PRDM1: variants seen among roughly 807,000 people sequenced by gnomAD.
PRDM1 encodes PR/SET domain 1.
In PRDM1, 13 loss-of-function variants were observed where a neutral mutation model predicts 62.8. The ratio of observed to expected loss-of-function variants is 0.21; its 90% CI spans 0.13 to 0.33. The LOEUF is 0.33. PRDM1 is among the 10% of genes least tolerant of loss of function. The pLI, the probability that PRDM1 is intolerant of heterozygous loss-of-function variation, is 1.00. For synonymous variants in PRDM1, 396 were observed against 417.6 expected (o/e 0.95, Z 0.63); for missense variants, 895 against 1,058.8 (o/e 0.85, Z 2.15).
chr6:106,049,825 C>A (rs1422697177), intron 1 of PRDM1, among the ~76,000 whole-genome samples: 3 of 152,166 alleles, frequency 2.0e-5, no homozygotes, highest in African/African-American at 7.2e-5. Context: ...AAATGGCTGC[C>A]TTTACCTTTA....
intron 1 of PRDM1, among the ~76,000 whole-genome samples, chr6:106,001,874 A>T (rs923362739): frequency 1.3e-5 from 2 of 152,196 alleles, no homozygotes; most frequent in African/African-American, 4.8e-5. Context: ...CATTATAAAA[A>T]GTATTTTTGA....
At chr6:106,033,305 C>T (rs925993759) in intron 1 of PRDM1, among the ~76,000 whole-genome samples, 3 of 151,248 alleles carry the variant, frequency 2.0e-5, no homozygotes, top group Admixed American at 6.6e-5. Flanking sequence ...CCATTATGCC[C>T]AGCTAATATT....
chr6:106,060,130 A>G (rs965634165), intron 1 of PRDM1, among the ~76,000 whole-genome samples: 5 of 152,178 alleles, frequency 3.3e-5, no homozygotes, highest in African/African-American at 1.2e-4. Flanking sequence ...AGTTATTTAA[A>G]TTCAAATATT....
In PRDM1 at chr6:105,994,583, G is replaced by C. The variant is rs893159729; in HGVS notation, c.-67+944G>C. 6.6e-6 allele frequency among the ~76,000 whole-genome samples: 1 copy of C among 152,294 alleles called. No individual in the cohort carries two copies. Among genetic ancestry groups the C allele is most frequent in the African/African-American group, 2.4e-5 (1 of 41,560 alleles). ...TGCTGAGTTCATTTGGACGAGGTGA[G>C]GAGAACTAGGGTCCTAACAGCAGGT... On this transcript the variant is annotated intron_variant, in intron 1 of 6. Transcript: ENST00000652320. The surrounding 1 kb of genome is among the most constrained non-coding windows in gnomAD (Gnocchi z 4.1).
chr6:106,012,075 A>T (rs1450034516), intron 1 of PRDM1, among the ~76,000 whole-genome samples: 1 of 141,540 alleles, frequency 7.1e-6, no homozygotes, highest in Non-Finnish European at 1.5e-5. Context: ...CACTACACAC[A>T]CACACAAACA....
intron 1 of PRDM1, among the ~76,000 whole-genome samples, chr6:106,029,069 C>T (rs561079471): frequency 2.6e-5 from 4 of 152,032 alleles, no homozygotes; most frequent in African/African-American, 7.2e-5. Flanking sequence ...TACAGGCGCA[C>T]GCCACCATGC....
chr6:106,037,042 C>T (rs542460386), intron 1 of PRDM1, among the ~76,000 whole-genome samples: 1 of 152,270 alleles, frequency 6.6e-6, no homozygotes, highest in South Asian at 2.1e-4. Flanking sequence ...CCTGCAAGAC[C>T]TCTTTTGGCA....
chr6:106,020,003 G>A (rs1772673985), intron 1 of PRDM1, among the ~76,000 whole-genome samples: 1 of 150,676 alleles, frequency 6.6e-6, no homozygotes, highest in Non-Finnish European at 1.5e-5. Context: ...GCCAAGGTGG[G>A]TGGATCACTT....
chr6:106,066,657 T>A (rs1773438786), intron 1 of PRDM1, among the ~76,000 whole-genome samples: 1 of 152,214 alleles, frequency 6.6e-6, no homozygotes, highest in African/African-American at 2.4e-5. Flanking sequence ...TCTTAAAGAT[T>A]TGAAAAAATA....
intron 1 of PRDM1, among the ~76,000 whole-genome samples, chr6:105,995,300 G>A (rs1031142208): frequency 6.6e-6 from 1 of 152,184 alleles, no homozygotes; most frequent in African/African-American, 2.4e-5. Flanking sequence ...TGGGCACTCT[G>A]GGGGACGTTC....
intron 3 of PRDM1, chr6:106,098,247 G>A (rs1774164915): frequency 1.0e-6 from 1 of 985,090 alleles, no homozygotes; most frequent in Admixed American, 6.2e-5. Flanking sequence ...ATTTCTTAAA[G>A]TCTAAAGTAA....
intron 4 of PRDM1, chr6:106,100,272 T>C (rs1194193963): frequency 6.6e-6 from 1 of 152,268 alleles, no homozygotes; most frequent in Non-Finnish European, 1.5e-5. Context: ...ATTTAAGAAT[T>C]GCCATAAGAT....
At position 106,108,078 on chromosome 6, in the gene PRDM1, A is replaced by G. The variant is rs536729113; in HGVS notation, c.*592A>G. On this transcript the variant is annotated 3_prime_UTR_variant, in exon 7 of 7. Coordinates refer to ENST00000369096, the MANE Select transcript of PRDM1 (RefSeq NM_001198.4). ...GAAAATGAGGTTTGGGTAATTGCCAATGTTGGACAGTTGATGTGTTCATTC... is the reference window on the plus strand; with the variant it reads ...GAAAATGAGGTTTGGGTAATTGCCAGTGTTGGACAGTTGATGTGTTCATTC... 2 of 233,448 alleles carry G rather than the reference A, an allele frequency of 8.6e-6. No homozygotes were observed. Among genetic ancestry groups the G allele is most frequent in the African/African-American group, 2.2e-5 (1 of 45,428 alleles). 14.5% of individuals were successfully genotyped at this position (233,448 alleles called of 1,614,324 possible). A position where few individuals can be genotyped will look rare whatever the true frequency, so the allele number is the denominator to read the frequency against.
At chr6:106,036,299 C>T (rs1170455657) in intron 1 of PRDM1, among the ~76,000 whole-genome samples, 1 of 151,808 alleles carries the variant, frequency 6.6e-6, no homozygotes, top group African/African-American at 2.4e-5. Context: ...CAGATGTGCA[C>T]CACCATGCAC....
chr6:106,093,371 A>G (rs977739818), intron 2 of PRDM1, among the ~76,000 whole-genome samples: 2 of 152,210 alleles, frequency 1.3e-5, no homozygotes, highest in African/African-American at 4.8e-5. Flanking sequence ...CTCCCAAGAC[A>G]CCATCTGTAA....
chr6:106,082,682 A>G (rs1466963601), upstream of PRDM1, among the ~76,000 whole-genome samples: 1 of 151,994 alleles, frequency 6.6e-6, no homozygotes, highest in Admixed American at 6.6e-5. Flanking sequence ...TGTGTTCTTG[A>G]ATTTACTTAA....
chr6:106,028,990 G>A (rs765507069), intron 1 of PRDM1, among the ~76,000 whole-genome samples: 24 of 142,282 alleles, frequency 1.7e-4, no homozygotes, highest in Non-Finnish European at 3.1e-4. Context: ...GCACTATCTC[G>A]GCTCATTGCA....
At position 106,099,176 on chromosome 6, in the gene PRDM1, C is replaced by A. The variant is rs534987252; in HGVS notation, c.412-124C>A. ...CTATTCTGGCTAAACTGATTGGATT[C>A]TTTTTCTAACTAGGCAGTAGGGGAT... On this transcript the variant is annotated intron_variant, in intron 3 of 6. Coordinates refer to ENST00000369096, the MANE Select transcript of PRDM1 (RefSeq NM_001198.4). 9 of 1,602,438 alleles carry A rather than the reference C, an allele frequency of 5.6e-6. No individual in the cohort carries two copies. In the African/African-American group the frequency reaches 9.4e-5, roughly 17 times the overall value.
At chr6:106,096,132 T>C (rs532050740) in intron 3 of PRDM1, 2 of 164,200 alleles carry the variant, frequency 1.2e-5, no homozygotes, top group East Asian at 1.7e-4. Flanking sequence ...GGAAGAGTTA[T>C]CACAAATGAA....
Sources: gnomAD v4.1 joint callset for allele counts (sites outside exome capture counted in the v4.1 genomes callset) on GRCh38, gnomAD v4.1.1 for gene constraint, Gnocchi (gnomAD v3.1) non-coding constraint, MANE v1.5 for transcripts, NCBI Gene and HGNC (gene_info 2026-07-23, HGNC 2026-07-21) for gene names.